CADPS: variants seen among roughly 807,000 people sequenced by gnomAD.
The protein encoded by CADPS is calcium dependent secretion activator, also known as calcium-dependent secretion activator 1.
In CADPS, 57 loss-of-function variants were observed where a neutral mutation model predicts 167.3. The observed-to-expected ratio is 0.34, with a 90% CI of 0.28 to 0.42. CADPS has a LOEUF of 0.42. Among genes scored for constraint, CADPS ranks in the 20% least tolerant of loss-of-function variants. CADPS has a pLI of 1.00. For synonymous variants in CADPS, 676 were observed against 635.3 expected (o/e 1.06, Z -0.96); for missense variants, 1,414 against 1,738.1 (o/e 0.81, Z 3.32).
intron 1 of CADPS, among the ~76,000 whole-genome samples, chr3:62,784,564 C>A (rs73106352): frequency 0.018 from 2,756 of 152,222 alleles, 54 homozygotes; most frequent in Non-Finnish European, 0.031. Flanking sequence ...GATGGAAGTA[C>A]AAATACTGCC....
In CADPS at chr3:62,492,156, G is replaced by A. The variant is rs73092144; in HGVS notation, c.2884+134C>T. On this transcript the variant is annotated intron_variant, in intron 20 of 29. Transcript: ENST00000383710. ...CCCTTCAGCTGTATGTTTCTTTTTG[G>A]GGGGTGGGGTTAATCATAATAAAAC... 4.1e-3 allele frequency: 2,968 copies of A among 731,968 alleles called. 52 individuals carry two copies. The African/African-American group carries it at 0.047, about 11-fold the overall frequency. 45.3% of individuals were successfully genotyped at this position (731,968 alleles called of 1,614,324 possible).
chr3:62,615,041 G>C (rs968632273), intron 6 of CADPS, among the ~76,000 whole-genome samples: 1 of 152,176 alleles, frequency 6.6e-6, no homozygotes, highest in African/African-American at 2.4e-5. Context: ...ATTTGTCAAG[G>C]ATACAGGACC....
chr3:62,409,691 A>G (rs925265837), intron 28 of CADPS, among the ~76,000 whole-genome samples: 2 of 152,234 alleles, frequency 1.3e-5, no homozygotes, highest in African/African-American at 4.8e-5. Context: ...AAACTAGAAA[A>G]GTTTCCTTCA....
At position 62,662,088 on chromosome 3, in the gene CADPS, T is replaced by C. The variant is rs550834738; in HGVS notation, c.969+226A>G. ...TGTGTCTGGAACTCAGAAGGAATGT[T>C]GGAGGTCTGAGCTTGGGTATTCACT... On this transcript the variant is annotated intron_variant, in intron 4 of 29. Transcript: ENST00000383710. Among the ~76,000 whole-genome samples the C allele has an allele frequency of 1.0e-3, 152 of 152,156 alleles. 1 individual carries two copies. Among genetic ancestry groups the C allele is most frequent in the Non-Finnish European group, 1.5e-3 (104 of 68,018 alleles).
In CADPS at chr3:62,874,678, T is replaced by C; in HGVS notation, c.352A>G (p.Arg118Gly). 1.3e-6 allele frequency: 2 copies of C among 1,555,098 alleles called. No homozygotes were observed. Among genetic ancestry groups the C allele is most frequent in the Non-Finnish European group, 1.7e-6 (2 of 1,148,782 alleles). The change falls in exon 1 of 30, where the codon AGG becomes GGG. Residue 118 changes from arginine to glycine, a missense_variant. By Grantham distance (125) the Arg-to-Gly change is moderately radical. Coordinates refer to ENST00000383710, the MANE Select transcript of CADPS (RefSeq NM_003716.4). This position sits in a 1 kb window ranked among gnomAD's most constrained non-coding sequence, Gnocchi z 7.1. ...LQKEEEERKK[R>G]LQLYVFVMRC... ...ATCACGAACACATACAGCTGCAGCCTCTTCTTCCTCTCCTCCTCCTCTTTC... is the reference window on the plus strand; with the variant it reads ...ATCACGAACACATACAGCTGCAGCCCCTTCTTCCTCTCCTCCTCCTCTTTC...
intron 10 of CADPS, among the ~76,000 whole-genome samples, chr3:62,555,939 AGAT>A (rs533562201): frequency 4.1e-4 from 62 of 152,140 alleles, no homozygotes; most frequent in South Asian, 1.7e-3. Flanking sequence ...TTTTTTGTAT[AGAT>A]GATGTCTGGC....
rs10561022 is a variant in CADPS, at chr3:62,567,564, CTTTTTTTTTTT to C, written c.1644+3297_1644+3307del. On this transcript the variant is annotated intron_variant, in intron 9 of 29. Transcript: ENST00000383710. ...GAGAACCATCCATGACTAAGCACTG[CTTTTTTTTTTT>C]TTTTTTTTTTTTTTTTTTTTTTAGA... Among the ~76,000 whole-genome samples the C allele has an allele frequency of 2.7e-3, 90 of 33,848 alleles. 1 individual carries two copies. Among genetic ancestry groups the C allele is most frequent in the African/African-American group, 8.1e-3 (74 of 9,174 alleles). The allele number at this position is 33,848 out of a possible 152,430, so 22.2% of individuals were successfully genotyped here.
chr3:62,838,045 A>G (rs530894960), intron 1 of CADPS, among the ~76,000 whole-genome samples: 1 of 152,348 alleles, frequency 6.6e-6, no homozygotes, highest in Non-Finnish European at 1.5e-5. Flanking sequence ...ATTCTCTGAT[A>G]CAGGCAAGAA....
At chr3:62,790,030 C>T (rs1284626777) in intron 1 of CADPS, among the ~76,000 whole-genome samples, 1 of 151,868 alleles carries the variant, frequency 6.6e-6, no homozygotes, top group East Asian at 1.9e-4. Flanking sequence ...TGAATACAAG[C>T]TTTTTGGAGG....
intron 8 of CADPS, among the ~76,000 whole-genome samples, chr3:62,571,937 C>G (rs954856644): frequency 6.6e-6 from 1 of 152,078 alleles, no homozygotes; most frequent in Non-Finnish European, 1.5e-5. Flanking sequence ...GAACTGGCAC[C>G]GATCTAGGAA....
chr3:62,837,468 A>G (rs1440646996), intron 1 of CADPS, among the ~76,000 whole-genome samples: 1 of 152,216 alleles, frequency 6.6e-6, no homozygotes, highest in Non-Finnish European at 1.5e-5. Flanking sequence ...CAAAAAAGAA[A>G]GATGGAGAAA....
intron 1 of CADPS, among the ~76,000 whole-genome samples, chr3:62,838,543 A>T (rs572829264): frequency 1.2e-3 from 182 of 152,226 alleles, no homozygotes; most frequent in Non-Finnish European, 2.2e-3. Flanking sequence ...TTTGGGGCAG[A>T]AACTCTACTT....
intron 1 of CADPS, among the ~76,000 whole-genome samples, chr3:62,776,037 C>T (rs1576251058): frequency 6.6e-6 from 1 of 152,194 alleles, no homozygotes; most frequent in East Asian, 1.9e-4. Flanking sequence ...ATAATGTTAA[C>T]ATAGTGAGAA....
At chr3:62,759,800 G>A (rs2084941007) in intron 2 of CADPS, among the ~76,000 whole-genome samples, 1 of 151,964 alleles carries the variant, frequency 6.6e-6, no homozygotes, top group African/African-American at 2.4e-5. Context: ...TACATTGTCT[G>A]TTTTATTTTT....
intron 6 of CADPS, among the ~76,000 whole-genome samples, chr3:62,629,553 C>T (rs1191189541): frequency 1.3e-5 from 2 of 152,188 alleles, no homozygotes; most frequent in Admixed American, 6.5e-5. Context: ...TATTACAAAG[C>T]TATTAAGTAC....
At chr3:62,769,521 T>G (rs2087931304) in intron 1 of CADPS, among the ~76,000 whole-genome samples, 1 of 152,134 alleles carries the variant, frequency 6.6e-6, no homozygotes, top group Non-Finnish European at 1.5e-5. Flanking sequence ...CGTGAACCAC[T>G]GTGGCCACCC....
At chr3:62,782,341 A>C (rs2091790543) in intron 1 of CADPS, among the ~76,000 whole-genome samples, 1 of 152,176 alleles carries the variant, frequency 6.6e-6, no homozygotes, top group Non-Finnish European at 1.5e-5. Context: ...CCACCTGTTC[A>C]ACTATTTATT....
intron 3 of CADPS, among the ~76,000 whole-genome samples, chr3:62,680,568 T>C (rs1027986466): frequency 6.6e-6 from 1 of 152,032 alleles, no homozygotes; most frequent in Non-Finnish European, 1.5e-5. Flanking sequence ...TCATTACCTA[T>C]TTCTTCCTTA....
intron 3 of CADPS, among the ~76,000 whole-genome samples, chr3:62,695,767 C>A (rs1412519957): frequency 6.6e-6 from 1 of 152,002 alleles, no homozygotes; most frequent in Non-Finnish European, 1.5e-5. Flanking sequence ...ACCTCCTGGG[C>A]TCCAATGATC....
Sources: allele counts gnomAD v4.1 joint callset (sites outside exome capture counted in the v4.1 genomes callset), GRCh38; gene constraint gnomAD v4.1.1; non-coding constraint Gnocchi (gnomAD v3.1); transcripts MANE v1.5; gene names NCBI Gene and HGNC (gene_info 2026-07-23, HGNC 2026-07-21).